KALRN: variants seen among roughly 807,000 people sequenced by gnomAD.
KALRN encodes the protein kalirin RhoGEF kinase, also known as kalirin.
In KALRN, 70 loss-of-function variants were observed where a neutral mutation model predicts 353.7. The observed-to-expected ratio is 0.20, with a 90% CI of 0.16 to 0.24. The LOEUF (loss-of-function observed/expected upper bound fraction) is 0.24. KALRN is among the 10% of genes least tolerant of loss of function. KALRN has a pLI of 1.00. For missense variants in KALRN, 2,791 were observed against 3,756.7 expected (o/e 0.74, Z 6.72); for synonymous variants, 1,391 against 1,434.8 (o/e 0.97, Z 0.69).
chr3:124,410,230 C>G (rs753721754), intron 13 of KALRN: 1 of 533,274 alleles, frequency 1.9e-6, no homozygotes, highest in East Asian at 5.4e-5. Context: ...CCTTCCACTC[C>G]ATAGATTCCT....
chr3:124,280,922 A>C (rs1277017212), intron 5 of KALRN, among the ~76,000 whole-genome samples: 1 of 152,160 alleles, frequency 6.6e-6, no homozygotes, highest in East Asian at 1.9e-4. Flanking sequence ...TCCTGAGGTC[A>C]TTCCCAAGGA....
chr3:124,403,905 C>A (rs1375442529), intron 13 of KALRN, among the ~76,000 whole-genome samples: 1 of 152,116 alleles, frequency 6.6e-6, no homozygotes, highest in African/African-American at 2.4e-5. Context: ...CTGGAAGAGG[C>A]AGATGCTTAG....
intron 6 of KALRN, among the ~76,000 whole-genome samples, chr3:124,300,389 C>T (rs2077171764): frequency 6.6e-6 from 1 of 152,182 alleles, no homozygotes; most frequent in Non-Finnish European, 1.5e-5. Flanking sequence ...CCATCCCTAG[C>T]TTGTAGGAGC....
At chr3:124,656,598 A>G (rs536838666) in intron 39 of KALRN, among the ~76,000 whole-genome samples, 62 of 152,042 alleles carry the variant, frequency 4.1e-4, no homozygotes, top group Non-Finnish European at 7.8e-4. Flanking sequence ...GCGACAGAGC[A>G]AGACTCCATC....
At chr3:124,140,939 A>G (rs979556045) in intron 1 of KALRN, among the ~76,000 whole-genome samples, 4 of 152,228 alleles carry the variant, frequency 2.6e-5, no homozygotes, top group Non-Finnish European at 4.4e-5. Context: ...AATCTTAAAA[A>G]TGCATAGAAT....
At chr3:124,708,208 T>G (rs1226613222) in intron 57 of KALRN, among the ~76,000 whole-genome samples, 1 of 152,212 alleles carries the variant, frequency 6.6e-6, no homozygotes, top group East Asian at 1.9e-4. Flanking sequence ...AACATAACAT[T>G]TGAAATGTTT....
chr3:124,071,349 G>A (rs576550200), intron 1 of KALRN, among the ~76,000 whole-genome samples: 35 of 152,260 alleles, frequency 2.3e-4, no homozygotes, highest in South Asian at 1.0e-3. Context: ...TTTATAGCGC[G>A]AAAACATACC....
chr3:124,623,402 A>G (rs1177828328), intron 34 of KALRN, among the ~76,000 whole-genome samples: 1 of 82,086 alleles, frequency 1.2e-5, no homozygotes, highest in Non-Finnish European at 2.9e-5. Flanking sequence ...TTATTTATAC[A>G]CACACACACA....
At chr3:124,387,000 C>T (rs552259753) in intron 11 of KALRN, among the ~76,000 whole-genome samples, 6 of 152,274 alleles carry the variant, frequency 3.9e-5, no homozygotes, top group African/African-American at 1.2e-4. Flanking sequence ...ACCTGTCTTC[C>T]TATTACCTAC....
intron 43 of KALRN, among the ~76,000 whole-genome samples, chr3:124,660,497 C>T (rs2084706640): frequency 6.6e-6 from 1 of 151,992 alleles, no homozygotes; most frequent in Non-Finnish European, 1.5e-5. Flanking sequence ...ACCTGGCCAA[C>T]ATGGTGAAAC....
rs373719806 is a variant in KALRN at position 124,434,532 on chromosome 3, G to A, written c.3048+7G>A. ...TTACAAAACTTCTGAACAGGTGAGG[G>A]AAAAGACTGTGGGGCTTGTGGGGCT... On this transcript the variant is annotated splice_region_variant and intron_variant, in intron 17 of 59. Coordinates refer to ENST00000682506, the MANE Select transcript of KALRN (RefSeq NM_001388419.1). The A allele has an allele frequency of 1.9e-6, 3 of 1,613,492 alleles. No individual in the cohort carries two copies. The highest frequency in any genetic ancestry group is 1.3e-5 in the African/African-American group (1 of 74,936).
intron 23 of KALRN, among the ~76,000 whole-genome samples, chr3:124,457,242 G>A (rs906104364): frequency 1.3e-5 from 2 of 151,934 alleles, no homozygotes; most frequent in African/African-American, 4.8e-5. Context: ...GCTAATTTTT[G>A]TATTTTTAAT....
At chr3:124,174,273 A>C (rs1015869283) in intron 1 of KALRN, among the ~76,000 whole-genome samples, 2 of 151,884 alleles carry the variant, frequency 1.3e-5, no homozygotes, top group Non-Finnish European at 2.9e-5. Flanking sequence ...ATCTCTATTA[A>C]AAATACAAAA....
chr3:124,649,584 G>A (rs1400282919), intron 37 of KALRN, among the ~76,000 whole-genome samples: 1 of 151,152 alleles, frequency 6.6e-6, no homozygotes, highest in East Asian at 1.9e-4. Flanking sequence ...GACCAGCCTG[G>A]GCAATGTAAT....
chr3:124,044,883 TTCCTTCCTTCCTTC>T (rs2040320563), intron 1 of KALRN, among the ~76,000 whole-genome samples: 2 of 22,804 alleles, frequency 8.8e-5, no homozygotes, highest in Middle Eastern at 0.014. Context: ...CCTTCCTTCC[TTCCTTCCTTCCTTC>T]CTTCCTTCCT....
At position 124,397,692 on chromosome 3, in the gene KALRN, G is replaced by A. The variant is rs564517045; in HGVS notation, c.2172-1005G>A. Among the ~76,000 whole-genome samples, 7 of 152,092 alleles carry A rather than the reference G, an allele frequency of 4.6e-5. No homozygotes were observed. The East Asian group carries it at 9.7e-4, about 21-fold the overall frequency. ...AAGCAAATCAATCTGTTTATCTCTC[G>A]GCTTCCCTCTATAAGGCATCACCTC... On this transcript the variant is annotated intron_variant, in intron 12 of 59. Transcript: ENST00000682506.
chr3:124,670,966 CT>C (rs2086351309), intron 47 of KALRN, among the ~76,000 whole-genome samples: 1 of 152,120 alleles, frequency 6.6e-6, no homozygotes, highest in South Asian at 2.1e-4. Flanking sequence ...CTCTCCCGAC[CT>C]CACCACGCCC....
At chr3:124,688,297 C>A (rs2061652443) in intron 51 of KALRN, among the ~76,000 whole-genome samples, 2 of 128,856 alleles carry the variant, frequency 1.6e-5, no homozygotes, top group South Asian at 4.8e-4. Context: ...TGAGCAACAG[C>A]GTGAGACCCT....
intron 34 of KALRN, among the ~76,000 whole-genome samples, chr3:124,617,139 C>T (rs148349463): frequency 8.0e-4 from 122 of 152,084 alleles, no homozygotes; most frequent in African/African-American, 2.9e-3. Context: ...TGAGGCCAAT[C>T]TGGGCAGCAC....
Sources: allele counts gnomAD v4.1 joint callset (sites outside exome capture counted in the v4.1 genomes callset), GRCh38; gene constraint gnomAD v4.1.1; transcripts MANE v1.5; gene names NCBI Gene and HGNC (gene_info 2026-07-23, HGNC 2026-07-21).